The following SSBP3 variants were observed in gnomAD, a reference collection of about 807,000 sequenced individuals.
SSBP3 encodes single stranded DNA binding protein 3, also known as single-stranded DNA-binding protein 3.
Under a neutral mutation model 69.6 loss-of-function variants are expected in SSBP3, and 5 were observed. The observed-to-expected ratio is 0.07, with a 90% CI of 0.04 to 0.15. SSBP3 has a LOEUF of 0.15. SSBP3 is among the 10% of genes least tolerant of loss of function. The pLI is 1.00. For synonymous variants in SSBP3, 196 were observed against 193.4 expected, an observed-to-expected ratio of 1.01 and a Z score of -0.11; for missense variants, 312 against 534.0, an observed-to-expected ratio of 0.58 and a Z score of 4.10.
intron 5 of SSBP3, among the ~76,000 whole-genome samples, chr1:54,267,996 G>A (rs768286486): frequency 3.0e-4 from 45 of 152,308 alleles, no homozygotes; most frequent in Non-Finnish European, 4.6e-4. Context: ...CCTCCCAAGC[G>A]GGTGGGACTA....
chr1:54,339,210 C>T (rs960400933), intron 4 of SSBP3, among the ~76,000 whole-genome samples: 1 of 152,048 alleles, frequency 6.6e-6, no homozygotes, highest in African/African-American at 2.4e-5. Flanking sequence ...AGAAGGGGGT[C>T]TTATCTTATC....
At chr1:54,322,088 C>T (rs376829743) in intron 4 of SSBP3, among the ~76,000 whole-genome samples, 3 of 152,266 alleles carry the variant, frequency 2.0e-5, no homozygotes, top group African/African-American at 7.2e-5. Flanking sequence ...GTGGTGGCCC[C>T]GCTTCCAGCC....
chr1:54,398,998 T>C (rs1277316505), intron 4 of SSBP3, among the ~76,000 whole-genome samples: 2 of 152,216 alleles, frequency 1.3e-5, no homozygotes, highest in Admixed American at 6.5e-5. Flanking sequence ...AACTAGTTAA[T>C]TGACTTCAAA....
rs182404747 is a variant in SSBP3, at chr1:54,398,767, T to C, written c.276+3094A>G. Among the ~76,000 whole-genome samples the C allele has an allele frequency of 2.4e-4, 37 of 152,264 alleles. 1 individual carries two copies. Among genetic ancestry groups the C allele is most frequent in the Admixed American group, 8.5e-4 (13 of 15,294 alleles). ...ACCCGGGGGACCTCTTCTGATTTAA[T>C]GCAAACCAATTTATCAGAAAAGTCC... is the stretch of plus-strand genomic sequence containing the variant. On this transcript the variant is annotated intron_variant, in intron 4 of 17. Transcript: ENST00000610401.
At chr1:54,377,753 G>A (rs984139240) in intron 4 of SSBP3, among the ~76,000 whole-genome samples, 5 of 152,238 alleles carry the variant, frequency 3.3e-5, no homozygotes, top group East Asian at 1.9e-4. Flanking sequence ...TTGGTGATAC[G>A]TCCTAGAAAG....
intron 4 of SSBP3, among the ~76,000 whole-genome samples, chr1:54,334,849 C>G (rs1249380014): frequency 6.6e-6 from 1 of 152,190 alleles, no homozygotes; most frequent in Non-Finnish European, 1.5e-5. Context: ...ACTTGCCGTT[C>G]AAATGAATCT....
upstream of SSBP3, among the ~76,000 whole-genome samples, chr1:54,407,839 TTA>T (rs1649886486): frequency 6.9e-6 from 1 of 145,054 alleles, no homozygotes; most frequent in African/African-American, 2.6e-5. Context: ...CACCAAACAA[TTA>T]AAGGATAGGT....
chr1:54,240,045 GGGGT>G (rs55902081), intron 13 of SSBP3, among the ~76,000 whole-genome samples: 1,421 of 65,406 alleles, frequency 0.022, 35 homozygotes, highest in African/African-American at 0.064. Flanking sequence ...TAATTGTGAT[GGGGT>G]GTGTGTGTGT....
chr1:54,401,410 T>C (rs1557595509), intron 4 of SSBP3, among the ~76,000 whole-genome samples: 1 of 151,548 alleles, frequency 6.6e-6, no homozygotes, highest in Non-Finnish European at 1.5e-5. Flanking sequence ...ACACCCATAA[T>C]TTGAAAGATC....
chr1:54,365,003 G>T (rs189403727), intron 4 of SSBP3, among the ~76,000 whole-genome samples: 1 of 152,288 alleles, frequency 6.6e-6, no homozygotes, highest in East Asian at 1.9e-4. Flanking sequence ...AGGCTGAGAG[G>T]GAAATGCAGA....
chr1:54,246,376 C>T (rs549135080), intron 9 of SSBP3, among the ~76,000 whole-genome samples: 29 of 152,338 alleles, frequency 1.9e-4, no homozygotes, highest in African/African-American at 6.7e-4. Context: ...ACTGTGTGTA[C>T]AGCCCAGCTG....
intron 9 of SSBP3, 152 bp from the exon 10 acceptor site, chr1:54,243,451 C>T (rs947454935): frequency 1.9e-5 from 17 of 894,354 alleles, no homozygotes; most frequent in East Asian, 2.5e-5. Flanking sequence ...AACGGTGGGG[C>T]GGGTGGGAAC....
intron 5 of SSBP3, among the ~76,000 whole-genome samples, chr1:54,277,377 GTC>G (rs1645307846): frequency 6.6e-6 from 1 of 152,006 alleles, no homozygotes; most frequent in South Asian, 2.1e-4. Context: ...TCTCCTTTCG[GTC>G]TCTCCCTCCT....
intron 4 of SSBP3, among the ~76,000 whole-genome samples, chr1:54,320,022 G>C (rs890916721): frequency 2.6e-5 from 4 of 152,172 alleles, no homozygotes; most frequent in Non-Finnish European, 4.4e-5. Context: ...ACAGGAGGCA[G>C]CTTGCCATCC....
chr1:54,362,461 T>A (rs2100639369), intron 4 of SSBP3, among the ~76,000 whole-genome samples: 1 of 152,340 alleles, frequency 6.6e-6, no homozygotes, highest in Non-Finnish European at 1.5e-5. Flanking sequence ...ACTGACTTAG[T>A]GAGCAAATGG....
chr1:54,248,963 T>G (rs1479846542), intron 9 of SSBP3, among the ~76,000 whole-genome samples: 1 of 152,168 alleles, frequency 6.6e-6, no homozygotes, highest in Non-Finnish European at 1.5e-5. Context: ...CCTCTCTCCC[T>G]CCCGCTGGAG....
intron 4 of SSBP3, among the ~76,000 whole-genome samples, chr1:54,298,826 G>A (rs1485131108): frequency 1.3e-5 from 2 of 152,132 alleles, no homozygotes; most frequent in East Asian, 3.9e-4. Flanking sequence ...GAGCAAATAC[G>A]CGTCGCCCAC....
chr1:54,318,022 C>T (rs1646145201), intron 4 of SSBP3, among the ~76,000 whole-genome samples: 1 of 152,196 alleles, frequency 6.6e-6, no homozygotes, highest in South Asian at 2.1e-4. Flanking sequence ...CCTGCTTTGG[C>T]CTCCCAAATT....
At chr1:54,331,298 C>T (rs901764822) in intron 4 of SSBP3, among the ~76,000 whole-genome samples, 5 of 152,144 alleles carry the variant, frequency 3.3e-5, no homozygotes, top group Non-Finnish European at 5.9e-5. Context: ...CTTCCAGATG[C>T]TACAGTCTCG....
Sources: allele counts gnomAD v4.1 joint callset (sites outside exome capture counted in the v4.1 genomes callset), GRCh38; gene constraint gnomAD v4.1.1; transcripts MANE v1.5; gene names NCBI Gene and HGNC (gene_info 2026-07-23, HGNC 2026-07-21).